Variants in ARHGAP26 observed in about 807,000 individuals in gnomAD.
ARHGAP26 encodes Rho GTPase activating protein 26, also known as rho GTPase-activating protein 26.
In ARHGAP26, 38 loss-of-function variants were observed where a neutral mutation model predicts 104.8. The ratio of observed to expected loss-of-function variants is 0.36; its 90% confidence interval spans 0.28 to 0.48. ARHGAP26 has a LOEUF of 0.48. ARHGAP26 is among the 20% of genes least tolerant of loss of function. ARHGAP26 has a pLI of 0.99. For missense variants in ARHGAP26, 704 were observed against 947.9 expected (o/e 0.74, Z 3.38); for synonymous variants, 341 against 340.0 (o/e 1.00, Z -0.03).
Position 142,903,618 on chromosome 5 carries a change from A to C in ARHGAP26, c.781A>C (p.Lys261Gln), listed in dbSNP as rs1760683368. ...KKMKENPLEH[K>Q]TISPYTMEGY... ...GATGAAGGAGAATCCCCTTGAGCAC[A>C]AGACCATCAGTCCCTACACCATGGA... The change falls in exon 8 of 23, where the codon AAG (lysine) becomes CAG (glutamine). Residue 261 changes from lysine to glutamine, a missense_variant. Lys to Gln is a moderately conservative substitution (Grantham distance 53). Transcript: ENST00000645722. 5 of 1,613,970 alleles carry C rather than the reference A, an allele frequency of 3.1e-6. No individual in the cohort carries two copies. Among genetic ancestry groups the C allele is most frequent in the Non-Finnish European group, 4.2e-6 (5 of 1,179,974 alleles).
intron 1 of ARHGAP26, among the ~76,000 whole-genome samples, chr5:142,791,431 T>C (rs1339577675): frequency 6.6e-6 from 1 of 152,130 alleles, no homozygotes; most frequent in African/African-American, 2.4e-5. Flanking sequence ...GGGAGAGAAA[T>C]TGAATGTTTC....
chr5:142,816,497 G>A (rs1199583638), intron 1 of ARHGAP26, among the ~76,000 whole-genome samples: 1 of 152,232 alleles, frequency 6.6e-6, no homozygotes, highest in Non-Finnish European at 1.5e-5. Context: ...CTCTCCATTA[G>A]TGGAGAAGCA....
At chr5:143,028,637 G>A (rs1269099420) in intron 12 of ARHGAP26, among the ~76,000 whole-genome samples, 3 of 152,048 alleles carry the variant, frequency 2.0e-5, no homozygotes, top group African/African-American at 4.8e-5. Flanking sequence ...TTTGACCCTC[G>A]TAGCATCCTG....
intron 7 of ARHGAP26, among the ~76,000 whole-genome samples, chr5:142,902,368 A>G (rs578037993): frequency 1.8e-4 from 27 of 152,234 alleles, no homozygotes; most frequent in African/African-American, 6.3e-4. Context: ...CCTCCATTCT[A>G]TGCATCTAGC....
chr5:142,773,971 A>G (rs776310712), intron 1 of ARHGAP26, among the ~76,000 whole-genome samples: 8 of 152,222 alleles, frequency 5.3e-5, no homozygotes, highest in Non-Finnish European at 1.0e-4. Context: ...AAACGTGGGC[A>G]TTTTGCAATA....
At chr5:142,988,234 G>A (rs1053335366) in intron 11 of ARHGAP26, among the ~76,000 whole-genome samples, 13 of 152,218 alleles carry the variant, frequency 8.5e-5, no homozygotes, top group South Asian at 8.3e-4. Context: ...TGTATGTGTC[G>A]TGGAATTTAT....
chr5:142,933,242 G>A (rs1465873577), intron 11 of ARHGAP26, among the ~76,000 whole-genome samples: 1 of 152,130 alleles, frequency 6.6e-6, no homozygotes, highest in Non-Finnish European at 1.5e-5. Context: ...CTTTCTTTTT[G>A]CTAGCATTAT....
At chr5:142,864,788 A>G (rs746728210) in intron 1 of ARHGAP26, among the ~76,000 whole-genome samples, 12 of 152,196 alleles carry the variant, frequency 7.9e-5, no homozygotes, top group Non-Finnish European at 1.2e-4. Flanking sequence ...TGTGAGGTAC[A>G]TACTGTCCTC....
intron 17 of ARHGAP26, among the ~76,000 whole-genome samples, chr5:143,117,806 A>C (rs1337473404): frequency 6.6e-6 from 1 of 152,208 alleles, no homozygotes; most frequent in African/African-American, 2.4e-5. Context: ...GATAGTTGAG[A>C]TACATTCCCC....
At chr5:143,120,104 T>A (rs1417423335) in intron 17 of ARHGAP26, among the ~76,000 whole-genome samples, 1 of 152,212 alleles carries the variant, frequency 6.6e-6, no homozygotes, top group African/African-American at 2.4e-5. Context: ...CTTGATATTG[T>A]CTCAACAAAA....
intron 11 of ARHGAP26, chr5:143,011,060 A>G (rs1778648025): frequency 2.0e-5 from 3 of 152,286 alleles, no homozygotes. Context: ...GCTCTGCAGG[A>G]TCGGATTGCT....
chr5:143,098,520 AT>A (rs1214026429), intron 17 of ARHGAP26, among the ~76,000 whole-genome samples: 2 of 152,274 alleles, frequency 1.3e-5, no homozygotes, highest in Admixed American at 6.5e-5. Context: ...AGCTAGTGTA[AT>A]TTTAATCTAC....
intron 18 of ARHGAP26, among the ~76,000 whole-genome samples, chr5:143,125,164 C>G (rs1476406351): frequency 2.0e-5 from 3 of 152,158 alleles, no homozygotes; most frequent in Non-Finnish European, 4.4e-5. Flanking sequence ...TAAAACACCT[C>G]TTTTTCAATA....
intron 1 of ARHGAP26, among the ~76,000 whole-genome samples, chr5:142,813,275 C>G (rs1013621642): frequency 2.6e-5 from 4 of 152,200 alleles, no homozygotes; most frequent in Non-Finnish European, 4.4e-5. Context: ...CCTATCCTCT[C>G]TGTGTAATTG....
intron 11 of ARHGAP26, among the ~76,000 whole-genome samples, chr5:142,942,244 A>G (rs1241444830): frequency 6.6e-6 from 1 of 152,184 alleles, no homozygotes; most frequent in Non-Finnish European, 1.5e-5. Context: ...CAGAGATTAC[A>G]TTTTTTGTGC....
intron 1 of ARHGAP26, among the ~76,000 whole-genome samples, chr5:142,793,745 G>A (rs1760368160): frequency 6.6e-6 from 1 of 151,972 alleles, no homozygotes; most frequent in African/African-American, 2.4e-5. Context: ...GCGCCACCAT[G>A]CCTAGCTAAT....
chr5:142,863,753 G>A (rs1416882068), intron 1 of ARHGAP26, among the ~76,000 whole-genome samples: 1 of 152,118 alleles, frequency 6.6e-6, no homozygotes, highest in African/African-American at 2.4e-5. Context: ...CGGGCTCCCA[G>A]GCCTGCTGGA....
chr5:142,793,422 C>A (rs1036621622), intron 1 of ARHGAP26, among the ~76,000 whole-genome samples: 3 of 151,438 alleles, frequency 2.0e-5, no homozygotes, highest in African/African-American at 7.3e-5. Flanking sequence ...AATTAGGAGG[C>A]CTTAATGTCT....
intron 17 of ARHGAP26, among the ~76,000 whole-genome samples, chr5:143,083,416 C>G: frequency 6.6e-6 from 1 of 152,218 alleles, no homozygotes; most frequent in Admixed American, 6.5e-5. Context: ...ATATCTCCAG[C>G]ATCCATTCTG....
Sources: allele counts gnomAD v4.1 joint callset (sites outside exome capture counted in the v4.1 genomes callset), GRCh38; gene constraint gnomAD v4.1.1; transcripts MANE v1.5; gene names NCBI Gene and HGNC (gene_info 2026-07-23, HGNC 2026-07-21).